ZDHHC15: variants seen among roughly 807,000 people sequenced by gnomAD.
ZDHHC15 encodes the protein palmitoyltransferase ZDHHC15.
Under a neutral mutation model 31.7 loss-of-function variants are expected in ZDHHC15, and 19 were observed. The observed-to-expected ratio is 0.60, with a 90% CI of 0.42 to 0.88. The LOEUF is 0.88. Ranked by LOEUF, ZDHHC15 falls within the 40% of genes least tolerant of loss-of-function variation. The pLI is 0.00. For missense variants in ZDHHC15, 209 were observed against 251.2 expected, an observed-to-expected ratio of 0.83 and a Z score of 1.14; for synonymous variants, 103 against 90.0, an observed-to-expected ratio of 1.14 and a Z score of -0.82.
At chrX:75,480,242 C>T (rs2084668633) in intron 2 of ZDHHC15, among the ~76,000 whole-genome samples, 1 of 111,096 alleles carries the variant, frequency 9.0e-6, no homozygotes, top group South Asian at 3.8e-4. Context: ...ACTATGAAAT[C>T]TCATTTTAAA....
intron 2 of ZDHHC15, among the ~76,000 whole-genome samples, chrX:75,487,656 C>A (rs996581211): frequency 8.9e-6 from 1 of 111,884 alleles, no homozygotes; most frequent in African/African-American, 3.2e-5. Flanking sequence ...CACTAGCTCT[C>A]CAGCAATTGA....
At chrX:75,397,782 T>A (rs749693421) in intron 10 of ZDHHC15, among the ~76,000 whole-genome samples, 1 of 111,371 alleles carries the variant, frequency 9.0e-6, no homozygotes, top group South Asian at 3.9e-4. Flanking sequence ...CAACGGCCCA[T>A]CTGGGAGCAA....
intron 4 of ZDHHC15, among the ~76,000 whole-genome samples, chrX:75,437,401 G>T (rs1163092921): frequency 8.8e-5 from 8 of 90,459 alleles, no homozygotes; most frequent in Non-Finnish European, 1.5e-4. Flanking sequence ...TCGTCATCTA[G>T]CATTAGGTAT....
chrX:75,441,543 G>A (rs1047846241), intron 4 of ZDHHC15, among the ~76,000 whole-genome samples: 1 of 111,116 alleles, frequency 9.0e-6, no homozygotes, highest in Non-Finnish European at 1.9e-5. Context: ...CTGTCTCATG[G>A]AGTTTGCAGT....
In ZDHHC15 at chrX:75,438,718, C is replaced by CT. The variant is rs763709707; in HGVS notation, c.380-7199dup. On this transcript the variant is annotated intron_variant, in intron 4 of 11. Coordinates refer to ENST00000373367, the MANE Select transcript of ZDHHC15 (RefSeq NM_144969.3). ...ATCATGCTAGTTGTTGCATCAATGC[C>CT]TTTTTTACATTGTGTTTTTGTTTTA... is the stretch of plus-strand genomic sequence containing the variant. Among the ~76,000 whole-genome samples, 9 of 111,036 alleles carry CT rather than the reference C, an allele frequency of 8.1e-5. No individual in the cohort carries two copies. The South Asian group carries it at 3.1e-3, about 38-fold the overall frequency.
intron 3 of ZDHHC15, among the ~76,000 whole-genome samples, chrX:75,453,088 T>A (rs1285989468): frequency 3.6e-5 from 4 of 111,272 alleles, no homozygotes; most frequent in Non-Finnish European, 1.9e-5. Context: ...AATCAATGAA[T>A]CCAGGAGCTG....
chrX:75,493,811 A>C (rs1157439122), intron 2 of ZDHHC15, among the ~76,000 whole-genome samples: 10 of 111,381 alleles, frequency 9.0e-5, no homozygotes, highest in East Asian at 8.5e-4. Context: ...CTATGACAAA[A>C]CCACAGCCAA....
At chrX:75,521,444 A>C (rs974612500) in intron 1 of ZDHHC15, among the ~76,000 whole-genome samples, 1 of 110,884 alleles carries the variant, frequency 9.0e-6, no homozygotes. Context: ...TGCAAGGCCA[A>C]TAATAATAAG....
At chrX:75,445,095 G>A (rs1017613329) in intron 4 of ZDHHC15, among the ~76,000 whole-genome samples, 2 of 110,824 alleles carry the variant, frequency 1.8e-5, no homozygotes, top group South Asian at 3.8e-4. Flanking sequence ...GGACTTCTCA[G>A]CCTCCATAAT....
chrX:75,472,456 T>C (rs2084517329), intron 3 of ZDHHC15, among the ~76,000 whole-genome samples: 1 of 112,057 alleles, frequency 8.9e-6, no homozygotes, highest in Non-Finnish European at 1.9e-5. Context: ...TACTGATTCA[T>C]GGGCTGTAGC....
chrX:75,476,101 A>G (rs2084600176), intron 3 of ZDHHC15, among the ~76,000 whole-genome samples: 1 of 111,529 alleles, frequency 9.0e-6, no homozygotes, highest in East Asian at 2.8e-4. Context: ...TTTATTATTT[A>G]TAATAGGGTT....
intron 7 of ZDHHC15, among the ~76,000 whole-genome samples, chrX:75,425,386 G>A (rs1333671959): frequency 9.0e-6 from 1 of 111,648 alleles, no homozygotes; most frequent in Non-Finnish European, 1.9e-5. Context: ...TGTTTAGACA[G>A]TAAAAATCAA....
At position 75,370,377 on chromosome X, in the gene ZDHHC15, G is replaced by T. The variant is rs1165472908; in HGVS notation, c.*2601C>A. 9.0e-6 allele frequency: 1 copy of T among 110,997 alleles called. No individual in the cohort carries two copies. The highest frequency in any genetic ancestry group is 3.3e-5 in the African/African-American group (1 of 30,492). 9.1% of individuals were successfully genotyped at this position (110,997 alleles called of 1,213,427 possible). On this transcript the variant is annotated 3_prime_UTR_variant, in exon 12 of 12. Transcript: ENST00000373367. ...ATTCTTGATTAATAATCAACCAGTT[G>T]GGTACCTATGTACATTAGTCAATAC...
chrX:75,506,995 T>A (rs2148050330), intron 1 of ZDHHC15, among the ~76,000 whole-genome samples: 1 of 111,203 alleles, frequency 9.0e-6, no homozygotes, highest in East Asian at 2.8e-4. Flanking sequence ...TACTTGTAGA[T>A]AGTGAGACGA....
intron 2 of ZDHHC15, among the ~76,000 whole-genome samples, chrX:75,500,403 A>C (rs2085070877): frequency 1.8e-5 from 2 of 110,642 alleles, no homozygotes; most frequent in African/African-American, 6.5e-5. Context: ...ATTATTAAAA[A>C]ATATAGTTTC....
chrX:75,460,549 C>T (rs778933886), intron 3 of ZDHHC15, among the ~76,000 whole-genome samples: 41 of 109,532 alleles, frequency 3.7e-4, no homozygotes, highest in Middle Eastern at 4.7e-3. Context: ...AGAAACAGGT[C>T]ATTACCCCCC....
chrX:75,472,368 C>T (rs1453356414), intron 3 of ZDHHC15, among the ~76,000 whole-genome samples: 1 of 112,031 alleles, frequency 8.9e-6, no homozygotes, highest in Non-Finnish European at 1.9e-5. Context: ...AGAAATCTTC[C>T]CATGGGGCAG....
intron 5 of ZDHHC15, among the ~76,000 whole-genome samples, chrX:75,430,367 T>C (rs2083766092): frequency 9.0e-6 from 1 of 110,906 alleles, no homozygotes; most frequent in African/African-American, 3.3e-5. Flanking sequence ...AAAATATGGG[T>C]GGAATAAGTA....
chrX:75,378,489 G>A lies in ZDHHC15; in HGVS notation c.*32+631C>T, dbSNP rs1602535560. Among the ~76,000 whole-genome samples, 3 of 112,121 alleles carry A rather than the reference G, an allele frequency of 2.7e-5. No homozygotes were observed. The East Asian group carries it at 8.4e-4, about 31-fold the overall frequency. ...AGCTTTTTTCATGAGAATAGGATTA[G>A]AAGTTTCATCCGATCAGAGCTATAA... On this transcript the variant is annotated intron_variant, in intron 11 of 11. Transcript: ENST00000373367.
Sources: allele counts gnomAD v4.1 joint callset (sites outside exome capture counted in the v4.1 genomes callset), GRCh38; gene constraint gnomAD v4.1.1; transcripts MANE v1.5; gene names NCBI Gene and HGNC (gene_info 2026-07-23, HGNC 2026-07-21).